Variants in RYR2 observed in about 807,000 individuals in gnomAD.
RYR2 encodes the protein ryanodine receptor 2, also known as cardiac muscle ryanodine receptor-calcium release channel.
RYR2 carries 227 observed loss-of-function variants against 601.1 expected under a neutral mutation model. The ratio of observed to expected loss-of-function variants is 0.38; its 90% CI spans 0.34 to 0.42. The LOEUF (loss-of-function observed/expected upper bound fraction) is 0.42, where lower values mean the gene tolerates loss of function less well. Among genes scored for constraint, RYR2 ranks in the 10% least tolerant of loss-of-function variants. RYR2 has a pLI of 1.00. For synonymous variants in RYR2, 2,223 were observed against 2,175.1 expected, an observed-to-expected ratio of 1.02 and a Z score of -0.61; for missense variants, 4,646 against 6,156.5, an observed-to-expected ratio of 0.75 and a Z score of 8.21.
At chr1:237,615,826 A>G (rs1440393672) in intron 37 of RYR2, among the ~76,000 whole-genome samples, 3 of 152,188 alleles carry the variant, frequency 2.0e-5, no homozygotes, top group Non-Finnish European at 4.4e-5. Context: ...GAACATTTAG[A>G]CTGGATTACT....
chr1:237,590,018 A>G lies in RYR2; in HGVS notation c.3807+17A>G. 2 of 1,600,594 alleles carry G rather than the reference A, an allele frequency of 1.2e-6. No homozygotes were observed. The highest frequency in any genetic ancestry group is 1.7e-6 in the Non-Finnish European group (2 of 1,171,872). ...CATATAGAGGTTTGCTTTTTCTTTA[A>G]AAATCAGGCCATTTCTAAAAAGCAG... On this transcript the variant is annotated intron_variant, in intron 30 of 104. Transcript: ENST00000366574.
At chr1:237,312,793 G>GA in intron 2 of RYR2, among the ~76,000 whole-genome samples, 1 of 152,298 alleles carries the variant, frequency 6.6e-6, no homozygotes, top group East Asian at 1.9e-4. Context: ...TGACCATAGG[G>GA]AAAATTGGAA....
In RYR2 at chr1:237,593,631, T is replaced by C; in HGVS notation, c.4431T>C (p.His1477=). Residue 1477 remains histidine, a synonymous_variant, in exon 33 of 105, where the codon CAT becomes CAC. Coordinates refer to ENST00000366574, the MANE Select transcript of RYR2 (RefSeq NM_001035.3). ...TAGGAGATGAAAAAGGAAAAGTGCA[T>C]GAAAGGTTAGTTTTCCTCAATTTTT... ...VTLGDEKGKV[H]ESIKRSNCYM... 5 of 1,613,780 alleles carry C rather than the reference T, an allele frequency of 3.1e-6. No individual in the cohort carries two copies. Among genetic ancestry groups the C allele is most frequent in the African/African-American group, 1.3e-5 (1 of 75,056 alleles).
rs1382429252 is a variant in RYR2 at position 237,759,801 on chromosome 1, A to G, written c.11351A>G (p.Lys3784Arg). The G allele has an allele frequency of 3.7e-6, 6 of 1,613,140 alleles. No homozygotes were observed. Among genetic ancestry groups the G allele is most frequent in the Non-Finnish European group, 5.1e-6 (6 of 1,179,334 alleles). ...AAAATGCTTGACTACCTCAAGGAGA[A>G]AAAGGATGTGGGCTTCTTTCAGAGC... ...QQKMLDYLKE[K>R]KDVGFFQSLA... Residue 3784 changes from lysine (K) to arginine (R), a missense_variant, in exon 83 of 105, where the codon AAA becomes AGA. Coordinates refer to ENST00000366574, the MANE Select transcript of RYR2 (RefSeq NM_001035.3).
rs148736520 is a variant in RYR2 at position 237,600,397 on chromosome 1, C to T, written c.4597-1628C>T. Among the ~76,000 whole-genome samples, 1,394 of 152,214 alleles carry T rather than the reference C, an allele frequency of 9.2e-3. 14 individuals are homozygous for T. Among genetic ancestry groups the T allele is most frequent in the Middle Eastern group, 0.037 (11 of 294 alleles). On this transcript the variant is annotated intron_variant, in intron 34 of 104. Transcript: ENST00000366574. Reference sequence around the variant, plus strand: ...TGGTACAGGGAAAATTGAATATCCACATGCAGAAGAATGAAATTGGACCCC... The same window carrying T: ...TGGTACAGGGAAAATTGAATATCCATATGCAGAAGAATGAAATTGGACCCC...
At chr1:237,085,362 G>A (rs770202331) in intron 1 of RYR2, among the ~76,000 whole-genome samples, 21 of 152,164 alleles carry the variant, frequency 1.4e-4, no homozygotes, top group Non-Finnish European at 2.9e-5. Flanking sequence ...TTCTACTATT[G>A]GAAAAGTTAC....
Position 237,611,017 on chromosome 1 carries a change from G to T in RYR2, c.4910+29G>T, listed in dbSNP as rs185559352. On this transcript the variant is annotated intron_variant, in intron 36 of 104. Transcript: ENST00000366574. ...AGCCCCAGTGAATCCCTGACATTCT[G>T]ATTGGGACGCTTGGGATTAGCCTGC... The T allele has an allele frequency of 5.2e-5, 83 of 1,586,080 alleles. No individual in the cohort carries two copies. The East Asian group carries it at 1.8e-3, about 34-fold the overall frequency.
chr1:237,122,892 AATTT>A (rs1032248133), intron 1 of RYR2, among the ~76,000 whole-genome samples: 15 of 152,260 alleles, frequency 9.9e-5, no homozygotes, highest in African/African-American at 3.4e-4. Flanking sequence ...CTCTGAGAAA[AATTT>A]ATTTAATTAA....
intron 1 of RYR2, among the ~76,000 whole-genome samples, chr1:237,266,505 G>A (rs1341889238): frequency 6.6e-6 from 1 of 152,194 alleles, no homozygotes; most frequent in Non-Finnish European, 1.5e-5. Context: ...TCTGCATGCT[G>A]TCAGACCACA....
intron 1 of RYR2, among the ~76,000 whole-genome samples, chr1:237,129,907 A>C (rs1451117898): frequency 3.3e-5 from 5 of 152,154 alleles, no homozygotes; most frequent in African/African-American, 1.2e-4. Context: ...AGAAATGACT[A>C]GTACAATGGT....
intron 37 of RYR2, among the ~76,000 whole-genome samples, chr1:237,615,445 T>C (rs1273623973): frequency 6.6e-6 from 1 of 152,138 alleles, no homozygotes; most frequent in Non-Finnish European, 1.5e-5. Flanking sequence ...TCACTCCTCA[T>C]GCTCCCAAAA....
intron 1 of RYR2, among the ~76,000 whole-genome samples, chr1:237,111,325 A>T (rs111370981): frequency 0.028 from 4,306 of 152,204 alleles, 191 homozygotes; most frequent in African/African-American, 0.092. Context: ...CTCCCTGCCA[A>T]TTTCTCACAA....
chr1:237,637,541 G>T (rs1346903466), intron 44 of RYR2, among the ~76,000 whole-genome samples: 3 of 152,186 alleles, frequency 2.0e-5, no homozygotes, highest in South Asian at 4.1e-4. Context: ...TAAGGTGTTT[G>T]CTAAATGCTG....
At chr1:237,663,630 G>A (rs913379550) in intron 56 of RYR2, among the ~76,000 whole-genome samples, 1 of 152,202 alleles carries the variant, frequency 6.6e-6, no homozygotes, top group Non-Finnish European at 1.5e-5. Flanking sequence ...GCTGGTATGA[G>A]CATCGGCTTT....
chr1:237,442,696 T>C (rs1708017011), intron 13 of RYR2, among the ~76,000 whole-genome samples: 1 of 152,178 alleles, frequency 6.6e-6, no homozygotes, highest in Non-Finnish European at 1.5e-5. Context: ...AGCATCGAGT[T>C]TTTAAAAAAT....
intron 2 of RYR2, among the ~76,000 whole-genome samples, chr1:237,271,156 T>C (rs1281687647): frequency 6.6e-6 from 1 of 152,116 alleles, no homozygotes; most frequent in Non-Finnish European, 1.5e-5. Flanking sequence ...TCTCTTGCAT[T>C]GATCATAAAG....
intron 24 of RYR2, among the ~76,000 whole-genome samples, chr1:237,529,594 G>A (rs1313597339): frequency 5.9e-5 from 9 of 151,934 alleles, no homozygotes. Flanking sequence ...ATTCTTACTA[G>A]AACTGATCAG....
intron 1 of RYR2, among the ~76,000 whole-genome samples, chr1:237,161,305 C>T (rs879076377): frequency 1.3e-5 from 2 of 151,670 alleles, no homozygotes; most frequent in Admixed American, 1.3e-4. Flanking sequence ...ATTTTTGTAC[C>T]TTCCACACTG....
intron 1 of RYR2, among the ~76,000 whole-genome samples, chr1:237,252,037 C>T (rs1215856705): frequency 6.6e-6 from 1 of 151,982 alleles, no homozygotes; most frequent in Non-Finnish European, 1.5e-5. Flanking sequence ...AAGCCACCAT[C>T]GTCTTTTGCT....
Sources: gnomAD v4.1 joint callset for allele counts (sites outside exome capture counted in the v4.1 genomes callset) on GRCh38, gnomAD v4.1.1 for gene constraint, MANE v1.5 for transcripts, NCBI Gene and HGNC (gene_info 2026-07-23, HGNC 2026-07-21) for gene names.